The following ACBD5 variants were observed in gnomAD, a reference collection of about 807,000 sequenced individuals.
ACBD5 encodes the protein acyl-CoA binding domain containing 5.
A neutral mutation model predicts 71.8 loss-of-function variants in ACBD5; 40 were observed. That is an observed-to-expected ratio of 0.56 (90% confidence interval 0.43 to 0.72). The LOEUF (loss-of-function observed/expected upper bound fraction) is 0.72, where lower values mean the gene tolerates loss of function less well. ACBD5 is among the 30% of genes least tolerant of loss of function. ACBD5 has a pLI of 0.00. For missense variants in ACBD5, 559 were observed against 644.5 expected, an observed-to-expected ratio of 0.87 and a Z score of 1.44; for synonymous variants, 229 against 218.6, an observed-to-expected ratio of 1.05 and a Z score of -0.42.
In ACBD5 at chr10:27,211,085, C is replaced by G; in HGVS notation, c.937-4G>C. 1 of 1,613,762 alleles carries G rather than the reference C, an allele frequency of 6.2e-7. No individual in the cohort carries two copies. Among genetic ancestry groups the G allele is most frequent in the Non-Finnish European group, 8.5e-7 (1 of 1,179,804 alleles). On this transcript the variant is annotated splice_polypyrimidine_tract_variant and splice_region_variant and intron_variant, in intron 8 of 12. Coordinates refer to ENST00000396271, the MANE Select transcript of ACBD5 (RefSeq NM_145698.5). ...TGGACGTAAAGCTGTCTAAAGACTA[C>G]AAATTAGAAATGACACTTAGTTAAA...
In ACBD5 at chr10:27,212,321, A is replaced by T. The variant is rs200745062; in HGVS notation, c.937-1240T>A. Among the ~76,000 whole-genome samples the T allele has an allele frequency of 1.2e-4, 19 of 152,240 alleles. No individual in the cohort carries two copies. In the East Asian group the frequency reaches 3.7e-3, roughly 29 times the overall value. The stretch of plus-strand genomic sequence containing the variant: ...CCCAGATTGTGCCACTGCACTCCAG[A>T]AGCCAGGTCAGACAGCCCCTTGAGC... On this transcript the variant is annotated intron_variant, in intron 8 of 12. Coordinates refer to ENST00000396271, the MANE Select transcript of ACBD5 (RefSeq NM_145698.5).
intron 5 of ACBD5, 114 bp from the exon 6 acceptor site, chr10:27,219,971 AT>A: frequency 1.1e-6 from 1 of 874,596 alleles, no homozygotes; most frequent in Non-Finnish European, 1.6e-6. Flanking sequence ...TTGAATTAAA[AT>A]GTTATATATA....
downstream of ACBD5, among the ~76,000 whole-genome samples, chr10:27,190,388 T>C (rs1033785741): frequency 1.3e-5 from 2 of 152,206 alleles, no homozygotes; most frequent in Non-Finnish European, 2.9e-5. Context: ...CCACCTATGT[T>C]AGAATTAAGT....
chr10:27,194,024 G>GT (rs1266690435), downstream of ACBD5, among the ~76,000 whole-genome samples: 1 of 152,124 alleles, frequency 6.6e-6, no homozygotes, highest in Non-Finnish European at 1.5e-5. Flanking sequence ...GCTGAGGCAG[G>GT]TGAATCACCT....
chr10:27,203,705 C>A lies in ACBD5; in HGVS notation c.1565+735G>T, dbSNP rs185590948. On this transcript the variant is annotated intron_variant, in intron 12 of 12. Coordinates refer to ENST00000396271, the MANE Select transcript of ACBD5 (RefSeq NM_145698.5). ...AGTGAGCTGAGATCGTGCCACTGCA[C>A]CCCAGCCTGGGCAACAAAAGCAAAA... is the stretch of plus-strand genomic sequence containing the variant. Among the ~76,000 whole-genome samples, 219 of 152,210 alleles carry A rather than the reference C, an allele frequency of 1.4e-3. 4 individuals are homozygous for A. In the South Asian group the frequency reaches 0.021, roughly 14 times the overall value.
At chr10:27,208,122 C>T in intron 10 of ACBD5, 124 bp downstream of exon 10, 1 of 1,009,142 alleles carries the variant, frequency 9.9e-7, no homozygotes, top group East Asian at 2.4e-5. Context: ...TTTTCAAAAC[C>T]AAGTTCTATT....
chr10:27,183,727 G>C (rs1386184579), intron 13 of ACBD5, among the ~76,000 whole-genome samples: 2 of 151,808 alleles, frequency 1.3e-5, no homozygotes, highest in Non-Finnish European at 2.9e-5. Context: ...TTGGTTTTGG[G>C]ATTTTTTTGA....
chr10:27,231,952 A>C lies in ACBD5; in HGVS notation c.303-132T>G, dbSNP rs1044570344. On this transcript the variant is annotated intron_variant, in intron 3 of 12. Transcript: ENST00000396271. ...CTTAAAGCCATAACAGGATTGTCTTAAATGTGCTACCATGAAGAAAATTAT... is the reference window on the plus strand; with the variant it reads ...CTTAAAGCCATAACAGGATTGTCTTCAATGTGCTACCATGAAGAAAATTAT... 7.2e-6 allele frequency: 6 copies of C among 835,236 alleles called. No homozygotes were observed. The African/African-American group carries it at 1.0e-4, about 14-fold the overall frequency. 51.7% of individuals were successfully genotyped at this position (835,236 alleles called of 1,614,324 possible). A position where few individuals can be genotyped will look rare whatever the true frequency, so the allele number is the denominator to read the frequency against.
At chr10:27,227,087 C>A (rs1409771382) in intron 4 of ACBD5, among the ~76,000 whole-genome samples, 1 of 93,112 alleles carries the variant, frequency 1.1e-5, no homozygotes, top group African/African-American at 4.5e-5. Context: ...TAAAATAATT[C>A]TTCTTCCAGT....
At position 27,195,282 on chromosome 10, in the gene ACBD5, A is replaced by G; in HGVS notation, c.*2148T>C. 1 of 431,970 alleles carries G rather than the reference A, an allele frequency of 2.3e-6. No individual in the cohort carries two copies. The highest frequency in any genetic ancestry group is 7.7e-4 in the Middle Eastern group (1 of 1,298). The allele number at this position is 431,970 out of a possible 1,614,324, so 26.8% of individuals were successfully genotyped here. A position where few individuals can be genotyped will look rare whatever the true frequency, so the allele number is the denominator to read the frequency against. On this transcript the variant is annotated 3_prime_UTR_variant, in exon 13 of 13. Transcript: ENST00000396271. ...AACAGAAAAGAAGTTATCATTAAAA[A>G]AATACCATAGCTGTCAAGTTTAAAT...
At chr10:27,238,512 T>C (rs641128) in intron 2 of ACBD5, among the ~76,000 whole-genome samples, 151,675 of 152,304 alleles carry the variant, frequency 1, 75,526 homozygotes, top group Middle Eastern at 1. Context: ...CACTAATAAT[T>C]AGGGACTTAA....
At chr10:27,231,921 G>A in intron 3 of ACBD5, 101 bp from the exon 4 acceptor site, 1 of 1,142,946 alleles carries the variant, frequency 8.7e-7, no homozygotes, top group Non-Finnish European at 1.3e-6. Context: ...ATTAAAACAG[G>A]TTCTACTTAA....
At chr10:27,215,750 A>G (rs2061550829) in intron 7 of ACBD5, 109 bp from the exon 8 acceptor site, 14 of 785,706 alleles carry the variant, frequency 1.8e-5, no homozygotes, top group Non-Finnish European at 3.0e-5. Context: ...CCCAGGCTGG[A>G]GTGCAGTGGT....
At chr10:27,236,351 CAT>C (rs1391825049) in intron 2 of ACBD5, among the ~76,000 whole-genome samples, 1 of 151,900 alleles carries the variant, frequency 6.6e-6, no homozygotes, top group African/African-American at 2.4e-5. Context: ...TTAAAAACAA[CAT>C]ATGTAATATG....
At chr10:27,216,988 T>C (rs7923846) in intron 7 of ACBD5, among the ~76,000 whole-genome samples, 10,530 of 150,698 alleles carry the variant, frequency 0.07, 688 homozygotes, top group African/African-American at 0.17. Context: ...CACTAAAAAA[T>C]ACAAAAAATT....
chr10:27,219,026 G>A (rs1030490991), intron 6 of ACBD5, among the ~76,000 whole-genome samples: 1 of 152,094 alleles, frequency 6.6e-6, no homozygotes, highest in Non-Finnish European at 1.5e-5. Flanking sequence ...TGTAGGCCGG[G>A]TGCGATGGCT....
intron 7 of ACBD5, among the ~76,000 whole-genome samples, chr10:27,216,305 A>C (rs2061622319): frequency 6.6e-6 from 1 of 152,112 alleles, no homozygotes; most frequent in Non-Finnish European, 1.5e-5. Flanking sequence ...AAGCCCAGCT[A>C]ATTTTTTGTA....
At chr10:27,194,642 T>G (rs148229477), downstream of ACBD5, among the ~76,000 whole-genome samples, 13,976 of 148,270 alleles carry the variant, frequency 0.094, 2,157 homozygotes, top group African/African-American at 0.32. Context: ...ATAATAATAA[T>G]AATAATAAGA....
chr10:27,214,610 G>A (rs11816764), intron 8 of ACBD5, among the ~76,000 whole-genome samples: 10,592 of 152,066 alleles, frequency 0.07, 686 homozygotes, highest in African/African-American at 0.17. Flanking sequence ...TGAGAAAAAG[G>A]ATTCATGGAT....
Sources: gnomAD v4.1 joint callset for allele counts (sites outside exome capture counted in the v4.1 genomes callset) on GRCh38, gnomAD v4.1.1 for gene constraint, MANE v1.5 for transcripts, NCBI Gene and HGNC (gene_info 2026-07-23, HGNC 2026-07-21) for gene names.